The following DRC11 variants were observed in gnomAD, a reference collection of about 807,000 sequenced individuals.
The protein encoded by DRC11 is IQ and AAA domain-containing protein 1.
At chr2:236,392,331 A>T in the DRC11 span, 1 of 1,588,798 alleles carries the variant, frequency 6.3e-7, no homozygotes, top group Non-Finnish European at 8.6e-7. This position sits in a 1 kb window ranked among gnomAD's most constrained non-coding sequence, Gnocchi z 5.1. Context: ...TCCAAGACTC[A>T]TCTTTTTTCA....
chr2:236,319,333 C>T, the DRC11 span, among the ~76,000 whole-genome samples: 1 of 152,332 alleles, frequency 6.6e-6, no homozygotes, highest in South Asian at 2.1e-4. This position sits in a 1 kb window ranked among gnomAD's most constrained non-coding sequence, Gnocchi z 6.7. Flanking sequence ...ATGAAATGCA[C>T]GTCCAGGGAG....
chr2:236,322,328 G>A, the DRC11 span, among the ~76,000 whole-genome samples: 2 of 144,052 alleles, frequency 1.4e-5, no homozygotes, highest in Admixed American at 7.3e-5. Context: ...TCCGCCTCCC[G>A]GGTTCACGCC....
At chr2:236,418,545 C>T in the DRC11 span, among the ~76,000 whole-genome samples, 1 of 152,174 alleles carries the variant, frequency 6.6e-6, no homozygotes, top group African/African-American at 2.4e-5. Flanking sequence ...CATATGGGCC[C>T]TAAGAGTTCA....
the DRC11 span, among the ~76,000 whole-genome samples, chr2:236,426,123 T>G: frequency 6.6e-6 from 1 of 152,044 alleles, no homozygotes; most frequent in African/African-American, 2.4e-5. The surrounding 1 kb of genome is among the most constrained non-coding windows in gnomAD (Gnocchi z 4.1). Flanking sequence ...TGAGGTGTTT[T>G]GTGGTTCCAT....
the DRC11 span, among the ~76,000 whole-genome samples, chr2:236,501,282 G>C: frequency 1.3e-5 from 2 of 152,154 alleles, no homozygotes; most frequent in Admixed American, 1.3e-4. Context: ...ACCAGACCCC[G>C]CCTCCAGCAT....
At chr2:236,415,038 T>C in the DRC11 span, among the ~76,000 whole-genome samples, 1 of 152,186 alleles carries the variant, frequency 6.6e-6, no homozygotes, top group Non-Finnish European at 1.5e-5. This position sits in a 1 kb window ranked among gnomAD's most constrained non-coding sequence, Gnocchi z 5.7. Context: ...TTATGTTAAT[T>C]TGTAACGATC....
chr2:236,472,238 A>G, the DRC11 span, among the ~76,000 whole-genome samples: 4 of 152,168 alleles, frequency 2.6e-5, no homozygotes, highest in Non-Finnish European at 4.4e-5. The surrounding 1 kb of genome is among the most constrained non-coding windows in gnomAD (Gnocchi z 4.6). Context: ...TATAGGATGC[A>G]CTGCTTGTGT....
the DRC11 span, among the ~76,000 whole-genome samples, chr2:236,359,941 C>T: frequency 1.3e-5 from 2 of 152,084 alleles, no homozygotes; most frequent in African/African-American, 4.8e-5. This position sits in a 1 kb window ranked among gnomAD's most constrained non-coding sequence, Gnocchi z 4.3. Flanking sequence ...TGTGGTGCTC[C>T]ACATTTTAAT....
chr2:236,499,849 T>C, the DRC11 span, among the ~76,000 whole-genome samples: 1 of 152,228 alleles, frequency 6.6e-6, no homozygotes, highest in Non-Finnish European at 1.5e-5. The surrounding 1 kb of genome is among the most constrained non-coding windows in gnomAD (Gnocchi z 4.7). Flanking sequence ...TAAGTATCCA[T>C]GGTTAACCAC....
At chr2:236,475,493 TCAA>T in the DRC11 span, among the ~76,000 whole-genome samples, 2 of 152,148 alleles carry the variant, frequency 1.3e-5, no homozygotes, top group African/African-American at 4.8e-5. The surrounding 1 kb of genome is among the most constrained non-coding windows in gnomAD (Gnocchi z 4.8). Context: ...TGATATGCAC[TCAA>T]TAGTGAGATT....
the DRC11 span, among the ~76,000 whole-genome samples, chr2:236,474,953 T>C: frequency 6.6e-6 from 1 of 152,190 alleles, no homozygotes; most frequent in Admixed American, 6.5e-5. Flanking sequence ...TCATCTCAAA[T>C]ATTTATCTTT....
the DRC11 span, among the ~76,000 whole-genome samples, chr2:236,357,011 T>C: frequency 2.2e-5 from 3 of 134,480 alleles, no homozygotes; most frequent in African/African-American, 8.7e-5. Context: ...TATATATTCA[T>C]ATATTATATA....
chr2:236,418,135 T>C, the DRC11 span, among the ~76,000 whole-genome samples: 1 of 152,210 alleles, frequency 6.6e-6, no homozygotes, highest in Non-Finnish European at 1.5e-5. Flanking sequence ...TTCTAGGTCC[T>C]TGAGGAATCG....
chr2:236,436,985 C>A, the DRC11 span, among the ~76,000 whole-genome samples: 1 of 151,836 alleles, frequency 6.6e-6, no homozygotes, highest in Non-Finnish European at 1.5e-5. Context: ...GACATGTGCA[C>A]AATGTGCAGG....
At chr2:236,354,808 T>C in the DRC11 span, among the ~76,000 whole-genome samples, 1 of 152,128 alleles carries the variant, frequency 6.6e-6, no homozygotes, top group African/African-American at 2.4e-5. Flanking sequence ...CACAGCCTGA[T>C]GCCCTCCCTG....
the DRC11 span, among the ~76,000 whole-genome samples, chr2:236,420,912 GT>G: frequency 1.3e-5 from 2 of 152,202 alleles, no homozygotes; most frequent in African/African-American, 4.8e-5. The surrounding 1 kb of genome is among the most constrained non-coding windows in gnomAD (Gnocchi z 4.8). Context: ...CACAGACATT[GT>G]TTGGACCTTA....
the DRC11 span, among the ~76,000 whole-genome samples, chr2:236,474,389 G>A: frequency 6.6e-6 from 1 of 152,148 alleles, no homozygotes; most frequent in African/African-American, 2.4e-5. Flanking sequence ...TTCTATCTTT[G>A]TATGGTATCA....
At chr2:236,364,540 A>G in the DRC11 span, among the ~76,000 whole-genome samples, 18 of 152,184 alleles carry the variant, frequency 1.2e-4, no homozygotes, top group East Asian at 3.5e-3. Flanking sequence ...GGCAGAGTTA[A>G]CCTGACGCTT....
the DRC11 span, among the ~76,000 whole-genome samples, chr2:236,384,900 C>G: frequency 6.6e-6 from 1 of 151,696 alleles, no homozygotes; most frequent in Non-Finnish European, 1.5e-5. Flanking sequence ...TTTCCCAGCA[C>G]CATTTATTAA....
Sources: allele counts gnomAD v4.1 joint callset (sites outside exome capture counted in the v4.1 genomes callset), GRCh38; gene constraint gnomAD v4.1.1; non-coding constraint Gnocchi (gnomAD v3.1); transcripts MANE v1.5; gene names NCBI Gene and HGNC (gene_info 2026-07-23, HGNC 2026-07-21).